The following SORCS2 variants were observed in gnomAD, a reference collection of about 807,000 sequenced individuals.
SORCS2 encodes sortilin related VPS10 domain containing receptor 2, also known as VPS10 domain-containing receptor SorCS2.
In SORCS2, 100 loss-of-function variants were observed where a neutral mutation model predicts 141.6. The ratio of observed to expected loss-of-function variants is 0.71; its 90% CI spans 0.60 to 0.83. SORCS2 has a LOEUF of 0.83. Among genes scored for constraint, SORCS2 ranks in the 40% least tolerant of loss-of-function variants. The pLI, the probability that SORCS2 is intolerant of heterozygous loss-of-function variation, is 0.00. For synonymous variants in SORCS2, 789 were observed against 676.9 expected (o/e 1.17, Z -2.57); for missense variants, 1,646 against 1,560.2 (o/e 1.05, Z -0.93).
chr4:7,542,434 C>T (rs555423303), intron 3 of SORCS2, among the ~76,000 whole-genome samples: 52 of 152,166 alleles, frequency 3.4e-4, no homozygotes, highest in African/African-American at 1.2e-3. Context: ...ACAGACAAGA[C>T]AGAGGGCAGG....
intron 1 of SORCS2, among the ~76,000 whole-genome samples, chr4:7,339,862 C>T (rs1720261394): frequency 1.3e-5 from 2 of 152,206 alleles, no homozygotes; most frequent in Non-Finnish European, 2.9e-5. Flanking sequence ...AAGGGAGGGT[C>T]TCCAGGAAGA....
chr4:7,603,294 T>C (rs1717858972), intron 3 of SORCS2, among the ~76,000 whole-genome samples: 1 of 139,620 alleles, frequency 7.2e-6, no homozygotes, highest in African/African-American at 2.5e-5. Flanking sequence ...TGTTCCTTCT[T>C]GCATGCAGAT....
chr4:7,503,190 T>C (rs1479716480), intron 2 of SORCS2, among the ~76,000 whole-genome samples: 2 of 152,202 alleles, frequency 1.3e-5, no homozygotes, highest in East Asian at 3.8e-4. Flanking sequence ...TGGAAAATTC[T>C]CCTTCATAGG....
chr4:7,254,437 A>G (rs1393926412), intron 1 of SORCS2, among the ~76,000 whole-genome samples: 3 of 152,236 alleles, frequency 2.0e-5, no homozygotes, highest in Admixed American at 6.5e-5. Context: ...CAGATATAGC[A>G]TGATCTCACT....
chr4:7,637,611 G>A (rs772423200), intron 3 of SORCS2, among the ~76,000 whole-genome samples: 1 of 152,220 alleles, frequency 6.6e-6, no homozygotes, highest in Non-Finnish European at 1.5e-5. Context: ...GCTATGATTA[G>A]CACTGAGCCA....
At chr4:7,695,606 GGA>G in intron 11 of SORCS2, among the ~76,000 whole-genome samples, 2 of 88,034 alleles carry the variant, frequency 2.3e-5, no homozygotes, top group Admixed American at 1.2e-4. Context: ...GTGGGTGGAT[GGA>G]TGGATGGATG....
At chr4:7,531,940 C>T (rs1711693566) in intron 3 of SORCS2, among the ~76,000 whole-genome samples, 1 of 152,266 alleles carries the variant, frequency 6.6e-6, no homozygotes, top group South Asian at 2.1e-4. Flanking sequence ...GGCCTGGAAG[C>T]AGAGACAGCA....
intron 14 of SORCS2, among the ~76,000 whole-genome samples, chr4:7,709,112 G>A (rs1725662525): frequency 1.3e-5 from 2 of 152,202 alleles, no homozygotes; most frequent in Admixed American, 1.3e-4. Context: ...CCCGCCACCA[G>A]GCACTCTGCC....
At chr4:7,433,467 G>T in intron 2 of SORCS2, 1 of 1,566,560 alleles carries the variant, frequency 6.4e-7, no homozygotes, top group Non-Finnish European at 8.6e-7. Flanking sequence ...GGGTCCTGGG[G>T]CCGTGGCAGG....
intron 1 of SORCS2, among the ~76,000 whole-genome samples, chr4:7,335,461 C>T (rs866065131): frequency 6.4e-4 from 97 of 152,322 alleles, no homozygotes; most frequent in African/African-American, 2.2e-3. Flanking sequence ...ACGTGCTGAG[C>T]GCTGCCTTCC....
intron 1 of SORCS2, among the ~76,000 whole-genome samples, chr4:7,375,522 C>A (rs752618212): frequency 6.6e-6 from 1 of 152,120 alleles, no homozygotes; most frequent in Non-Finnish European, 1.5e-5. Flanking sequence ...CCTTTTCTCA[C>A]GCATGTCCAG....
At chr4:7,322,067 G>T (rs1033689514) in intron 1 of SORCS2, among the ~76,000 whole-genome samples, 1 of 152,184 alleles carries the variant, frequency 6.6e-6, no homozygotes, top group African/African-American at 2.4e-5. Flanking sequence ...CATGAGGCTC[G>T]TAGAGGGCCT....
At chr4:7,659,246 G>A (rs1417534977) in intron 5 of SORCS2, among the ~76,000 whole-genome samples, 2 of 150,652 alleles carry the variant, frequency 1.3e-5, no homozygotes, top group African/African-American at 4.9e-5. Context: ...GAGAAACCCT[G>A]GACCAGGTCC....
intron 3 of SORCS2, among the ~76,000 whole-genome samples, chr4:7,636,130 G>T (rs376005952): frequency 2.0e-5 from 3 of 152,204 alleles, no homozygotes; most frequent in African/African-American, 7.2e-5. Context: ...CCAGCCCCAC[G>T]CGAGGCCCAG....
chr4:7,302,722 C>T (rs1577374754), intron 1 of SORCS2, among the ~76,000 whole-genome samples: 1 of 150,274 alleles, frequency 6.7e-6, no homozygotes, highest in Admixed American at 6.7e-5. Flanking sequence ...CACTGCTGTG[C>T]CCCCAGCTTT....
intron 1 of SORCS2, among the ~76,000 whole-genome samples, chr4:7,194,862 C>A (rs928367781): frequency 1.3e-5 from 2 of 152,236 alleles, no homozygotes; most frequent in Non-Finnish European, 2.9e-5. Flanking sequence ...ATCCCCTACC[C>A]CATCTGCCGA....
intron 4 of SORCS2, among the ~76,000 whole-genome samples, chr4:7,650,700 C>G (rs1224290572): frequency 6.7e-6 from 1 of 149,898 alleles, no homozygotes; most frequent in Non-Finnish European, 1.5e-5. Context: ...CCCCGCCTCC[C>G]TCTCCAGCCC....
intron 3 of SORCS2, among the ~76,000 whole-genome samples, chr4:7,629,130 T>C (rs969298751): frequency 2.6e-5 from 4 of 152,136 alleles, no homozygotes; most frequent in Admixed American, 1.3e-4. Context: ...GCGACGGCTG[T>C]GTTGATTGGC....
At chr4:7,466,142 A>G (rs1207287789) in intron 2 of SORCS2, among the ~76,000 whole-genome samples, 1 of 152,220 alleles carries the variant, frequency 6.6e-6, no homozygotes, top group African/African-American at 2.4e-5. Flanking sequence ...TTCTGCTGGA[A>G]CAAACGTCCC....
Sources: gnomAD v4.1 joint callset for allele counts (sites outside exome capture counted in the v4.1 genomes callset) on GRCh38, gnomAD v4.1.1 for gene constraint, MANE v1.5 for transcripts, NCBI Gene and HGNC (gene_info 2026-07-23, HGNC 2026-07-21) for gene names.